Variants in EYA2 observed in about 807,000 individuals in gnomAD.
The protein encoded by EYA2 is protein phosphatase EYA2.
EYA2 carries 31 observed loss-of-function variants against 69.2 expected under a neutral mutation model. That is an observed-to-expected ratio of 0.45 (90% CI 0.34 to 0.60). The LOEUF (loss-of-function observed/expected upper bound fraction) is 0.60. Ranked by LOEUF, EYA2 falls within the 20% of genes least tolerant of loss-of-function variation. EYA2 has a pLI of 0.02. For synonymous variants in EYA2, 257 were observed against 279.4 expected, an observed-to-expected ratio of 0.92 and a Z score of 0.80; for missense variants, 622 against 701.2, an observed-to-expected ratio of 0.89 and a Z score of 1.28.
rs974011199 is a variant in EYA2, at chr20:47,172,813, T to C, written c.1144T>C (p.Phe382Leu). The change falls in exon 12 of 16, where the codon TTC (phenylalanine) becomes CTC (leucine). Residue 382 changes from phenylalanine (F) to leucine (L), a missense_variant. Coordinates refer to ENST00000327619, the MANE Select transcript of EYA2 (RefSeq NM_005244.5). ...CGTGGACTGGATGAGGAAGCTGGCC[T>C]TCCGCTACCGGCGGGTGAAGGAGAT... ...GGVDWMRKLA[F>L]RYRRVKEMYN... 94 of 1,614,058 alleles carry C rather than the reference T, an allele frequency of 5.8e-5. No homozygotes were observed. The highest frequency in any genetic ancestry group is 7.5e-5 in the Non-Finnish European group (88 of 1,180,022).
chr20:47,041,056 C>T (rs1985035413), intron 5 of EYA2, among the ~76,000 whole-genome samples: 1 of 152,146 alleles, frequency 6.6e-6, no homozygotes. Flanking sequence ...GATAAACCAC[C>T]CTCCACAGGG....
chr20:46,969,096 A>AGAATTCCTTGATCCAAG (rs1347244088), intron 1 of EYA2, among the ~76,000 whole-genome samples: 2 of 152,142 alleles, frequency 1.3e-5, no homozygotes, highest in African/African-American at 2.4e-5. Flanking sequence ...CCAGCAAAAG[A>AGAATTCCTTGATCCAAG]GAATTCCTTG....
At chr20:46,925,331 T>G (rs1261219533) in intron 1 of EYA2, among the ~76,000 whole-genome samples, 1 of 152,210 alleles carries the variant, frequency 6.6e-6, no homozygotes, top group African/African-American at 2.4e-5. Context: ...GATTCATGAC[T>G]GGCCCTATGT....
chr20:47,163,903 C>T (rs78897329), intron 10 of EYA2, among the ~76,000 whole-genome samples: 2,752 of 152,082 alleles, frequency 0.018, 88 homozygotes, highest in African/African-American at 0.063. Context: ...AAAAATCCCT[C>T]GAGACGGGGA....
intron 1 of EYA2, among the ~76,000 whole-genome samples, chr20:46,948,376 A>G (rs1258512993): frequency 1.3e-5 from 2 of 152,226 alleles, no homozygotes; most frequent in Non-Finnish European, 2.9e-5. Context: ...GGTTTGGCTC[A>G]TAGGCTGTGG....
At chr20:47,114,591 G>C (rs1449156931) in intron 9 of EYA2, among the ~76,000 whole-genome samples, 2 of 152,124 alleles carry the variant, frequency 1.3e-5, no homozygotes, top group Non-Finnish European at 2.9e-5. Flanking sequence ...CTCCAGCCTG[G>C]GCCACAAGAG....
intron 12 of EYA2, among the ~76,000 whole-genome samples, chr20:47,175,246 C>T (rs1352682876): frequency 6.6e-6 from 1 of 152,192 alleles, no homozygotes; most frequent in Non-Finnish European, 1.5e-5. Flanking sequence ...ACCACAGATC[C>T]CCACGATTCC....
intron 5 of EYA2, among the ~76,000 whole-genome samples, chr20:47,032,401 T>A (rs978279181): frequency 6.6e-6 from 1 of 152,240 alleles, no homozygotes; most frequent in Non-Finnish European, 1.5e-5. Flanking sequence ...TTATTTTTCA[T>A]ACATTTATTT....
At chr20:46,991,701 G>A (rs936577981) in intron 2 of EYA2, among the ~76,000 whole-genome samples, 3 of 152,256 alleles carry the variant, frequency 2.0e-5, no homozygotes, top group Admixed American at 1.3e-4. Context: ...TGGGAGCGGT[G>A]GCTCACACCT....
intron 1 of EYA2, among the ~76,000 whole-genome samples, chr20:46,926,537 G>A (rs554645816): frequency 6.6e-6 from 1 of 152,302 alleles, no homozygotes; most frequent in African/African-American, 2.4e-5. Context: ...GTCCTCAGTG[G>A]ATTGGATGGT....
At chr20:46,907,475 TC>T (rs1911074985) in intron 1 of EYA2, among the ~76,000 whole-genome samples, 1 of 152,156 alleles carries the variant, frequency 6.6e-6, no homozygotes, top group Non-Finnish European at 1.5e-5. Flanking sequence ...GAGTGGGGAC[TC>T]CCCACCCTCT....
intron 5 of EYA2, among the ~76,000 whole-genome samples, chr20:47,058,967 T>A (rs2030758178): frequency 6.6e-6 from 1 of 152,098 alleles, no homozygotes; most frequent in African/African-American, 2.4e-5. Flanking sequence ...CAGAAACAAA[T>A]GCCTGCTCCC....
chr20:46,907,887 T>C (rs1005863779), intron 1 of EYA2, among the ~76,000 whole-genome samples: 6 of 152,168 alleles, frequency 3.9e-5, no homozygotes, highest in African/African-American at 1.2e-4. Context: ...AGCGACTGTC[T>C]ATGCAAACTC....
At chr20:47,053,246 C>T (rs893323096) in intron 5 of EYA2, among the ~76,000 whole-genome samples, 1 of 152,098 alleles carries the variant, frequency 6.6e-6, no homozygotes. Context: ...CTCTCTCCAC[C>T]CTTAGAGCCC....
Position 47,143,045 on chromosome 20 carries a change from T to C in EYA2, c.889-14T>C. Reference sequence around the variant, plus strand: ...CTCCGCGTGCATGTGATTTTCCCCTTCTCTGCCTCGCAGGACACCACGACG... The same window carrying C: ...CTCCGCGTGCATGTGATTTTCCCCTCCTCTGCCTCGCAGGACACCACGACG... On this transcript the variant is annotated splice_polypyrimidine_tract_variant and intron_variant, in intron 9 of 15. Coordinates refer to ENST00000327619, the MANE Select transcript of EYA2 (RefSeq NM_005244.5). 6.2e-7 allele frequency: 1 copy of C among 1,611,132 alleles called. No individual in the cohort carries two copies. The highest frequency in any genetic ancestry group is 2.2e-5 in the East Asian group (1 of 44,766).
At chr20:47,068,801 T>G (rs1197364152) in intron 5 of EYA2, among the ~76,000 whole-genome samples, 1 of 152,220 alleles carries the variant, frequency 6.6e-6, no homozygotes, top group East Asian at 1.9e-4. Context: ...GAGTCCATTG[T>G]GTTCATTTTA....
At chr20:46,916,272 A>G (rs1984897204) in intron 1 of EYA2, among the ~76,000 whole-genome samples, 2 of 152,164 alleles carry the variant, frequency 1.3e-5, no homozygotes, top group Admixed American at 1.3e-4. Flanking sequence ...ATTAAACCAA[A>G]TTAAGAAGTT....
At chr20:46,972,192 C>T (rs1324496889) in intron 1 of EYA2, among the ~76,000 whole-genome samples, 1 of 152,092 alleles carries the variant, frequency 6.6e-6, no homozygotes, top group Non-Finnish European at 1.5e-5. Flanking sequence ...AAGTGGGAAC[C>T]AACACACTAG....
intron 1 of EYA2, among the ~76,000 whole-genome samples, chr20:46,966,004 T>C (rs1979754474): frequency 6.6e-6 from 1 of 152,250 alleles, no homozygotes; most frequent in Admixed American, 6.5e-5. Context: ...CGGCTGGGAC[T>C]GGCAAGTGAA....
Sources: gnomAD v4.1 joint callset for allele counts (sites outside exome capture counted in the v4.1 genomes callset) on GRCh38, gnomAD v4.1.1 for gene constraint, MANE v1.5 for transcripts, NCBI Gene and HGNC (gene_info 2026-07-23, HGNC 2026-07-21) for gene names.